PIEZO2: variants seen among roughly 807,000 people sequenced by gnomAD.
PIEZO2 encodes the protein piezo-type mechanosensitive ion channel component 2.
PIEZO2 carries 172 observed loss-of-function variants against 337.3 expected under a neutral mutation model. The ratio of observed to expected loss-of-function variants is 0.51; its 90% CI spans 0.45 to 0.58. The LOEUF is 0.58. Among genes scored for constraint, PIEZO2 ranks in the 20% least tolerant of loss-of-function variants. The pLI, the probability that PIEZO2 is intolerant of heterozygous loss-of-function variation, is 0.00. For synonymous variants in PIEZO2, 1,251 were observed against 1,228.5 expected, an observed-to-expected ratio of 1.02 and a Z score of -0.38; for missense variants, 3,028 against 3,391.3, an observed-to-expected ratio of 0.89 and a Z score of 2.66.
rs182794649 is a variant in PIEZO2, at chr18:11,146,194, G to A, written c.64+2331C>T. Among the ~76,000 whole-genome samples, 9 of 152,258 alleles carry A rather than the reference G, an allele frequency of 5.9e-5. No individual in the cohort carries two copies. The highest frequency in any genetic ancestry group is 2.2e-4 in the African/African-American group (9 of 41,556). On this transcript the variant is annotated intron_variant, in intron 1 of 55. Transcript: ENST00000674853. This position sits in a 1 kb window ranked among gnomAD's most constrained non-coding sequence, Gnocchi z 6.1. ...AGAAGGCAGCCCCAGGATCTCCTGG[G>A]CAGACTCAGCTGTCCCCGAGGCAAG...
intron 2 of PIEZO2, among the ~76,000 whole-genome samples, chr18:11,007,471 C>A (rs376436525): frequency 6.6e-6 from 1 of 152,124 alleles, no homozygotes; most frequent in Non-Finnish European, 1.5e-5. Context: ...TCCTCATATG[C>A]CTTTCACTCA....
intron 3 of PIEZO2, among the ~76,000 whole-genome samples, chr18:10,958,719 A>T (rs538108442): frequency 1.2e-4 from 19 of 152,320 alleles, no homozygotes; most frequent in African/African-American, 4.6e-4. Flanking sequence ...TTTTGCCTTA[A>T]TAGAAACAAA....
intron 4 of PIEZO2, among the ~76,000 whole-genome samples, chr18:10,881,448 T>C (rs2042417630): frequency 6.6e-6 from 1 of 152,178 alleles, no homozygotes; most frequent in Non-Finnish European, 1.5e-5. Context: ...CGGAGGGCAT[T>C]CACAGAGGTG....
rs1471938327 is a variant in PIEZO2 at position 10,693,037 on chromosome 18, T to TGAA, written c.7191-1655_7191-1654insTTC. Among the ~76,000 whole-genome samples, 15 of 152,310 alleles carry TGAA rather than the reference T, an allele frequency of 9.8e-5. No individual in the cohort carries two copies. In the East Asian group the frequency reaches 2.9e-3, roughly 29 times the overall value. On this transcript the variant is annotated intron_variant, in intron 47 of 55. Transcript: ENST00000674853. ...TAAGTCTTCTTGATTTATTTAGGCC[T>TGAA]TCTTTAATTTCTCTCAGCCATGCCT...
rs749474073 is a variant in PIEZO2, at chr18:10,803,904, C to T, written c.1171G>A (p.Ala391Thr). 7.2e-6 allele frequency: 11 copies of T among 1,537,172 alleles called. No homozygotes were observed. The African/African-American group carries it at 8.2e-5, about 11-fold the overall frequency. The change falls in exon 9 of 56, where the codon GCA (alanine) becomes ACA (threonine). Residue 391 changes from alanine (A) to threonine (T), a missense_variant. Transcript: ENST00000674853. ...CTCTCATCAGTGGGGTAATGGGTTGCGTACCACAGGCTCCGCCTCCTCCCC... is the reference window on the plus strand; with the variant it reads ...CTCTCATCAGTGGGGTAATGGGTTGTGTACCACAGGCTCCGCCTCCTCCCC... ...TAGRRRSLWY[A>T]THYPTDERKL...
rs948126729 is a variant in PIEZO2 at position 10,973,243 on chromosome 18, T to C, written c.286+6292A>G. On this transcript the variant is annotated intron_variant, in intron 3 of 55. Transcript: ENST00000674853. The surrounding 1 kb of genome is among the most constrained non-coding windows in gnomAD (Gnocchi z 4.9). ...TGCAGTGCTACCACTCAGCTCGCCTTCGTGCCTGTGTCTAGCTTTTGGCAG... is the reference window on the plus strand; with the variant it reads ...TGCAGTGCTACCACTCAGCTCGCCTCCGTGCCTGTGTCTAGCTTTTGGCAG... Among the ~76,000 whole-genome samples, 10 of 152,246 alleles carry C rather than the reference T, an allele frequency of 6.6e-5. No individual in the cohort carries two copies. Among genetic ancestry groups the C allele is most frequent in the African/African-American group, 2.2e-4 (9 of 41,472 alleles).
rs1209134361 is a variant in PIEZO2 at position 10,680,334 on chromosome 18, T to G, written c.7817A>C (p.Asp2606Ala). The stretch of plus-strand genomic sequence containing the variant: ...TCCTTCCAGTTCTGCTACTGTTATG[T>G]CTTCTTTTTCATAATTTTCCAGAAA... ...MQFLENYEKE[D>A]ITVAELEGNS... Residue 2606 changes from aspartate (D) to alanine (A), a missense_variant, in exon 52 of 56, where the codon GAC (aspartate) becomes GCC (alanine). Around this residue, in one of 5 missense-constraint regions of PIEZO2, gnomAD observed 332 missense variants for 363.8 expected, o/e 0.91. Coordinates refer to ENST00000674853, the MANE Select transcript of PIEZO2 (RefSeq NM_001378183.1). 6.2e-7 allele frequency: 1 copy of G among 1,613,956 alleles called. No individual in the cohort carries two copies. Among genetic ancestry groups the G allele is most frequent in the East Asian group, 2.2e-5 (1 of 44,892 alleles).
intron 3 of PIEZO2, among the ~76,000 whole-genome samples, chr18:10,956,459 G>A (rs116572851): frequency 0.014 from 2,134 of 152,144 alleles, 52 homozygotes; most frequent in African/African-American, 0.048. Context: ...ACTACTCAAA[G>A]CCATCCACAG....
At chr18:10,675,084 T>C (rs2033934423) in intron 54 of PIEZO2, 125 bp downstream of exon 54, 2 of 599,342 alleles carry the variant, frequency 3.3e-6, no homozygotes, top group Middle Eastern at 2.6e-4. Flanking sequence ...GGGTTTCATA[T>C]ATAGTCTGTC....
intron 3 of PIEZO2, among the ~76,000 whole-genome samples, chr18:10,946,177 A>C (rs2033010411): frequency 6.6e-6 from 1 of 152,200 alleles, no homozygotes; most frequent in African/African-American, 2.4e-5. Context: ...TCATAATTTA[A>C]ATGCTCAAAA....
intron 3 of PIEZO2, among the ~76,000 whole-genome samples, chr18:10,921,812 G>C (rs2031428987): frequency 6.6e-6 from 1 of 152,140 alleles, no homozygotes; most frequent in Non-Finnish European, 1.5e-5. Context: ...ATACTCGCCT[G>C]AGGGTGGGTC....
intron 4 of PIEZO2, among the ~76,000 whole-genome samples, chr18:10,884,939 A>T (rs1367266669): frequency 6.6e-6 from 1 of 151,942 alleles, no homozygotes; most frequent in Non-Finnish European, 1.5e-5. Flanking sequence ...ATTCCTTCTC[A>T]TTTATTTCCA....
intron 3 of PIEZO2, among the ~76,000 whole-genome samples, chr18:10,977,896 T>C (rs1177666670): frequency 6.6e-6 from 1 of 152,142 alleles, no homozygotes; most frequent in Non-Finnish European, 1.5e-5. Context: ...AGTAGGTTAG[T>C]GGTTGCCTAG....
In PIEZO2 at chr18:11,148,331, G is replaced by C. The variant is rs777611106; in HGVS notation, c.64+194C>G. Among the ~76,000 whole-genome samples the C allele has an allele frequency of 5.3e-5, 8 of 152,142 alleles. No individual in the cohort carries two copies. The highest frequency in any genetic ancestry group is 8.8e-5 in the Non-Finnish European group (6 of 68,032). On this transcript the variant is annotated intron_variant, in intron 1 of 55. Transcript: ENST00000674853. This position sits in a 1 kb window ranked among gnomAD's most constrained non-coding sequence, Gnocchi z 5.2. ...GCCCGTCCCGAGCATCCTGTTAAGA[G>C]ATACCCCGATCGCGCGCCCCAGAGT...
Position 11,116,953 on chromosome 18 carries a change from AT to A in PIEZO2, c.64+31571del. 6.6e-6 allele frequency among the ~76,000 whole-genome samples: 1 copy of A among 151,994 alleles called. No homozygotes were observed. The highest frequency in any genetic ancestry group is 1.5e-5 in the Non-Finnish European group (1 of 68,002). ...ATGAAACCCTGTCTCTACTAAAAAT[AT>A]AAAAATTAGCCTGGCTTGGTGGCAC... On this transcript the variant is annotated intron_variant, in intron 1 of 55. Coordinates refer to ENST00000674853, the MANE Select transcript of PIEZO2 (RefSeq NM_001378183.1). This position sits in a 1 kb window ranked among gnomAD's most constrained non-coding sequence, Gnocchi z 5.0.
chr18:11,141,816 G>A (rs1347433644), intron 1 of PIEZO2, among the ~76,000 whole-genome samples: 1 of 152,128 alleles, frequency 6.6e-6, no homozygotes, highest in Non-Finnish European at 1.5e-5. Flanking sequence ...CCTGAGTTTG[G>A]GTTGCAGAAT....
At chr18:10,947,974 A>T (rs2033110017) in intron 3 of PIEZO2, among the ~76,000 whole-genome samples, 1 of 152,124 alleles carries the variant, frequency 6.6e-6, no homozygotes, top group African/African-American at 2.4e-5. Context: ...AATAAAAATG[A>T]AATTTAAAAG....
intron 3 of PIEZO2, among the ~76,000 whole-genome samples, chr18:10,955,516 T>C (rs2033478530): frequency 6.6e-6 from 1 of 152,194 alleles, no homozygotes; most frequent in African/African-American, 2.4e-5. Context: ...CAGTTCTGTG[T>C]AAACAACTTT....
intron 1 of PIEZO2, among the ~76,000 whole-genome samples, chr18:11,144,758 C>A (rs1424703586): frequency 1.3e-5 from 2 of 152,176 alleles, no homozygotes; most frequent in African/African-American, 4.8e-5. Context: ...CTTTCCTAAG[C>A]TCTGATTGCC....
Sources: gnomAD v4.1 joint callset for allele counts (sites outside exome capture counted in the v4.1 genomes callset) on GRCh38, gnomAD v4.1.1 for gene constraint, gnomAD v4.1.1 regional missense constraint, Gnocchi (gnomAD v3.1) non-coding constraint, MANE v1.5 for transcripts, NCBI Gene and HGNC (gene_info 2026-07-23, HGNC 2026-07-21) for gene names.